The following ZDHHC2 variants were observed in gnomAD, a reference collection of about 807,000 sequenced individuals.
ZDHHC2 encodes the protein zDHHC palmitoyltransferase 2, also known as palmitoyltransferase ZDHHC2.
ZDHHC2 carries 51 observed loss-of-function variants against 55.6 expected under a neutral mutation model. That is an observed-to-expected ratio of 0.92 (90% CI 0.73 to 1.16). ZDHHC2 has a LOEUF of 1.16. Among genes scored for constraint, ZDHHC2 ranks in the 50% most tolerant of loss-of-function variants. ZDHHC2 has a pLI of 0.00. For missense variants in ZDHHC2, 491 were observed against 442.4 expected (o/e 1.11, Z -0.99); for synonymous variants, 199 against 152.9 (o/e 1.30, Z -2.22).
intron 1 of ZDHHC2, among the ~76,000 whole-genome samples, chr8:17,181,490 A>C (rs1282757408): frequency 6.6e-6 from 1 of 152,340 alleles, no homozygotes. Flanking sequence ...TGTTGACAAA[A>C]ATTGAAATAA....
chr8:17,224,031 AT>A lies in ZDHHC2; in HGVS notation c.*3820del, dbSNP rs141762047. On this transcript the variant is annotated 3_prime_UTR_variant, in exon 13 of 13. Coordinates refer to ENST00000262096, the MANE Select transcript of ZDHHC2 (RefSeq NM_016353.5). ...CAGGAGACTCTGAAACAGGGCACCC[AT>A]TTTTTTTTTCCTTCCTCAAAATAGT... 1,551 of 148,984 alleles carry A rather than the reference AT, an allele frequency of 0.01. 16 individuals are homozygous for A. The highest frequency in any genetic ancestry group is 0.035 in the African/African-American group (1,422 of 40,756). 9.2% of individuals were successfully genotyped at this position (148,984 alleles called of 1,614,324 possible).
rs915895600 is a variant in ZDHHC2, at chr8:17,222,651, T to C, written c.*2430T>C. 6.6e-6 allele frequency: 1 copy of C among 151,916 alleles called. No individual in the cohort carries two copies. Among genetic ancestry groups the C allele is most frequent in the African/African-American group, 2.4e-5 (1 of 41,446 alleles). 9.4% of individuals were successfully genotyped at this position (151,916 alleles called of 1,614,324 possible). A position where few individuals can be genotyped will look rare whatever the true frequency, so the allele number is the denominator to read the frequency against. On this transcript the variant is annotated 3_prime_UTR_variant, in exon 13 of 13. Coordinates refer to ENST00000262096, the MANE Select transcript of ZDHHC2 (RefSeq NM_016353.5). ...TTTCAAAGATATATTAAAGAACAGT[T>C]GCATCTGAATATAATCATGATGCAT...
intron 1 of ZDHHC2, among the ~76,000 whole-genome samples, chr8:17,159,189 A>G (rs1804211120): frequency 6.6e-6 from 1 of 152,182 alleles, no homozygotes. Flanking sequence ...CAGACAAAGC[A>G]AATGGAAATA....
chr8:17,189,715 A>T (rs555504555), intron 3 of ZDHHC2, among the ~76,000 whole-genome samples: 1 of 152,328 alleles, frequency 6.6e-6, no homozygotes, highest in Non-Finnish European at 1.5e-5. Flanking sequence ...GAGTGGCAAA[A>T]GGATATGAAA....
chr8:17,205,125 C>G (rs1459355767), intron 6 of ZDHHC2, among the ~76,000 whole-genome samples: 1 of 152,210 alleles, frequency 6.6e-6, no homozygotes, highest in Non-Finnish European at 1.5e-5. Context: ...GGCCTTCTGA[C>G]CCAGCTGTCT....
chr8:17,156,894 G>GCCCAC (rs1563426339), intron 1 of ZDHHC2, 41 bp downstream of exon 1: 6 of 1,468,608 alleles, frequency 4.1e-6, no homozygotes, highest in Non-Finnish European at 5.4e-6. Context: ...GCGCAGCGCA[G>GCCCAC]CCCACCCCGA....
intron 10 of ZDHHC2, among the ~76,000 whole-genome samples, chr8:17,214,685 G>A (rs970569693): frequency 6.6e-6 from 1 of 152,140 alleles, no homozygotes; most frequent in South Asian, 2.1e-4. Context: ...AAGGCAGGAG[G>A]ATCACTTGAG....
At position 17,221,901 on chromosome 8, in the gene ZDHHC2, A is replaced by AAC. The variant is rs1807932699; in HGVS notation, c.*1681_*1682dup. 1 of 151,546 alleles carries AAC rather than the reference A, an allele frequency of 6.6e-6. No individual in the cohort carries two copies. The highest frequency in any genetic ancestry group is 6.6e-5 in the Admixed American group (1 of 15,190). 9.4% of individuals were successfully genotyped at this position (151,546 alleles called of 1,614,324 possible). A position where few individuals can be genotyped will look rare whatever the true frequency, so the allele number is the denominator to read the frequency against. On this transcript the variant is annotated 3_prime_UTR_variant, in exon 13 of 13. Coordinates refer to ENST00000262096, the MANE Select transcript of ZDHHC2 (RefSeq NM_016353.5). ...AAAAATACCTAAAGTGCCAGACCGG[A>AAC]ACCTATAGCTACTGCTAGAAGTCTT...
intron 10 of ZDHHC2, 143 bp from the exon 11 acceptor site, chr8:17,215,094 C>G (rs1807585004): frequency 1.5e-6 from 1 of 655,766 alleles, no homozygotes; most frequent in Non-Finnish European, 2.6e-6. Context: ...ATGTCTTATT[C>G]TTGTATTCCC....
intron 3 of ZDHHC2, among the ~76,000 whole-genome samples, chr8:17,191,975 C>G (rs981945387): frequency 6.6e-6 from 1 of 151,894 alleles, no homozygotes; most frequent in African/African-American, 2.4e-5. Context: ...TTGTTATTGC[C>G]TTTATTTTAC....
At chr8:17,167,660 A>G (rs17586654) in intron 1 of ZDHHC2, among the ~76,000 whole-genome samples, 76,940 of 152,040 alleles carry the variant, frequency 0.51, 19,670 homozygotes, top group Admixed American at 0.53. Flanking sequence ...CTTTCTGGAC[A>G]TTAAAATGCT....
At chr8:17,218,785 C>G (rs1025809117) in intron 12 of ZDHHC2, among the ~76,000 whole-genome samples, 4 of 152,146 alleles carry the variant, frequency 2.6e-5, no homozygotes, top group African/African-American at 9.7e-5. Context: ...TCTATCGATA[C>G]AACCAGTTGC....
chr8:17,159,166 C>T (rs1037771911), intron 1 of ZDHHC2, among the ~76,000 whole-genome samples: 9 of 152,178 alleles, frequency 5.9e-5, no homozygotes, highest in African/African-American at 1.9e-4. Context: ...CTCCCAGACT[C>T]CTTTCCTTTT....
intron 3 of ZDHHC2, among the ~76,000 whole-genome samples, chr8:17,192,486 T>C (rs1184179939): frequency 6.6e-6 from 1 of 152,212 alleles, no homozygotes; most frequent in Admixed American, 6.5e-5. Context: ...TTTTTTCCTA[T>C]AGAGTTGTTC....
intron 1 of ZDHHC2, among the ~76,000 whole-genome samples, chr8:17,167,735 A>T (rs1485077450): frequency 1.3e-5 from 2 of 152,212 alleles, no homozygotes; most frequent in African/African-American, 4.8e-5. Context: ...TAAAAGATAA[A>T]TTATATGTGT....
intron 1 of ZDHHC2, among the ~76,000 whole-genome samples, chr8:17,169,497 C>T (rs771235307): frequency 2.5e-4 from 38 of 152,198 alleles, no homozygotes; most frequent in South Asian, 8.3e-4. Flanking sequence ...GAAATTAAAT[C>T]TTGAAAGAAC....
intron 3 of ZDHHC2, among the ~76,000 whole-genome samples, chr8:17,187,976 A>T (rs939915462): frequency 2.6e-5 from 4 of 152,234 alleles, no homozygotes; most frequent in African/African-American, 9.6e-5. Flanking sequence ...CACTGCTCTA[A>T]TTCTGGGTCT....
chr8:17,181,555 C>G (rs986737905), intron 1 of ZDHHC2, among the ~76,000 whole-genome samples: 2 of 152,116 alleles, frequency 1.3e-5, no homozygotes, highest in African/African-American at 4.8e-5. Context: ...GAAGGCTATA[C>G]AACACTTGAA....
intron 10 of ZDHHC2, among the ~76,000 whole-genome samples, chr8:17,211,690 G>T (rs1807391904): frequency 6.6e-6 from 1 of 152,006 alleles, no homozygotes; most frequent in African/African-American, 2.4e-5. Flanking sequence ...AAAGGTATTT[G>T]TCACCCCATC....
Sources: allele counts gnomAD v4.1 joint callset (sites outside exome capture counted in the v4.1 genomes callset), GRCh38; gene constraint gnomAD v4.1.1; transcripts MANE v1.5; gene names NCBI Gene and HGNC (gene_info 2026-07-23, HGNC 2026-07-21).